TBX3: variants seen among roughly 807,000 people sequenced by gnomAD.
TBX3 encodes T-box transcription factor 3, also known as T-box transcription factor TBX3.
Under a neutral mutation model 47.8 loss-of-function variants are expected in TBX3, and 11 were observed. The ratio of observed to expected loss-of-function variants is 0.23; its 90% CI spans 0.14 to 0.38. The LOEUF (loss-of-function observed/expected upper bound fraction) is 0.38, where lower values mean the gene tolerates loss of function less well. Ranked by LOEUF, TBX3 falls within the 10% of genes least tolerant of loss-of-function variation. TBX3 has a pLI of 1.00. For missense variants in TBX3, 927 were observed against 1,022.8 expected (o/e 0.91, Z 1.28); for synonymous variants, 500 against 449.3 (o/e 1.11, Z -1.43).
intron 6 of TBX3, 49 bp downstream of exon 6, chr12:114,674,116 C>T: frequency 6.4e-7 from 1 of 1,560,276 alleles, no homozygotes; most frequent in South Asian, 1.2e-5. Flanking sequence ...GACAGGGAAA[C>T]TGGACGAAAG....
At position 114,672,436 on chromosome 12, in the gene TBX3, GTT is replaced by G. The variant is rs55865934; in HGVS notation, c.1711-136_1711-135del. The G allele has an allele frequency of 4.6e-3, 1,951 of 420,076 alleles. 21 individuals carry two copies. Among genetic ancestry groups the G allele is most frequent in the Non-Finnish European group, 5.5e-3 (1,479 of 268,688 alleles). 26.0% of individuals were successfully genotyped at this position (420,076 alleles called of 1,614,324 possible). ...TATGTTCTGTTGTTGTTGTTGTTGT[GTT>G]TTTTTTTTTGGGGGGGGAGATAGGT... On this transcript the variant is annotated intron_variant, in intron 6 of 6. Coordinates refer to ENST00000349155, the MANE Select transcript of TBX3 (RefSeq NM_005996.4).
In TBX3 at chr12:114,679,223, G is replaced by C. The variant is rs111800750; in HGVS notation, c.804+282C>G. ...AAAACAGACAGGACAAAGCCCAAGAGGGGGGGAGGAGTGGGTGGCATCAAT... is the reference window on the plus strand; with the variant it reads ...AAAACAGACAGGACAAAGCCCAAGACGGGGGGAGGAGTGGGTGGCATCAAT... On this transcript the variant is annotated intron_variant, in intron 3 of 6. Transcript: ENST00000349155. Among the ~76,000 whole-genome samples, 5,175 of 152,068 alleles carry C rather than the reference G, an allele frequency of 0.034. 198 individuals are homozygous for C. The highest frequency in any genetic ancestry group is 0.1 in the African/African-American group (4,188 of 41,480).
Position 114,671,679 on chromosome 12 carries a change from C to A in TBX3, c.*162G>T. 1.2e-6 allele frequency: 1 copy of A among 830,460 alleles called. No homozygotes were observed. The highest frequency in any genetic ancestry group is 1.9e-6 in the Non-Finnish European group (1 of 515,674). 51.4% of individuals were successfully genotyped at this position (830,460 alleles called of 1,614,324 possible). On this transcript the variant is annotated 3_prime_UTR_variant, in exon 7 of 7. Transcript: ENST00000349155. ...ATAAACCACGCCAAGAAGACAGGGGCTGTCTCTAGCACATTCTCTCGAGGG... is the reference window on the plus strand; with the variant it reads ...ATAAACCACGCCAAGAAGACAGGGGATGTCTCTAGCACATTCTCTCGAGGG...
intron 3 of TBX3, among the ~76,000 whole-genome samples, 195 bp downstream of exon 3, chr12:114,679,310 G>A (rs971484744): frequency 2.0e-5 from 3 of 152,078 alleles, no homozygotes; most frequent in African/African-American, 7.2e-5. Context: ...GCTCAGCATT[G>A]TTCCTACCTA....
chr12:114,679,920 C>T, intron 2 of TBX3: 1 of 1,614,096 alleles, frequency 6.2e-7, no homozygotes, highest in Non-Finnish European at 8.5e-7. Context: ...TACCTGAGTA[C>T]CAAAACTATA....
chr12:114,673,230 C>T (rs969805598), intron 6 of TBX3, among the ~76,000 whole-genome samples: 4 of 152,210 alleles, frequency 2.6e-5, no homozygotes, highest in Non-Finnish European at 5.9e-5. Context: ...CTTTCCTCAG[C>T]TCCCTCCTCC....
intron 1 of TBX3, among the ~76,000 whole-genome samples, chr12:114,681,775 T>C (rs1309054319): frequency 1.3e-5 from 2 of 152,212 alleles, no homozygotes; most frequent in Admixed American, 6.5e-5. Flanking sequence ...CCCCACTTCT[T>C]AGGCCAGTCC....
chr12:114,683,777 AG>A lies in TBX3; in HGVS notation c.-578del. On this transcript the variant is annotated 5_prime_UTR_variant, in exon 1 of 7. Transcript: ENST00000349155. This position sits in a 1 kb window ranked among gnomAD's most constrained non-coding sequence, Gnocchi z 7.7. The stretch of plus-strand genomic sequence containing the variant: ...TAACAGGGAGCGAGAGAGCGGAAAA[AG>A]TCTCTCTCCTTTAAAAAAAAAAAAA... The A allele has an allele frequency of 4.5e-6, 1 of 221,866 alleles. No homozygotes were observed. Among genetic ancestry groups the A allele is most frequent in the Non-Finnish European group, 8.8e-6 (1 of 114,280 alleles). The allele number at this position is 221,866 out of a possible 1,614,324, so 13.7% of individuals were successfully genotyped here. A position where few individuals can be genotyped will look rare whatever the true frequency, so the allele number is the denominator to read the frequency against.
chr12:114,671,922 G>A lies in TBX3; in HGVS notation c.2091C>T (p.Ala697=), dbSNP rs1399007846. The A allele has an allele frequency of 1.3e-6, 2 of 1,587,394 alleles. No individual in the cohort carries two copies. Among genetic ancestry groups the A allele is most frequent in the African/African-American group, 2.7e-5 (2 of 74,400 alleles). ...SPKLCAEKEA[A]TSELQSIQRL... The stretch of plus-strand genomic sequence containing the variant: ...GCTGGATGCTCTGCAGTTCGCTGGT[G>A]GCCGCCTCTTTCTCCGCGCAGAGTT... The change falls in exon 7 of 7, where the codon GCC becomes GCT. Residue 697 remains alanine, a synonymous_variant. Transcript: ENST00000349155.
chr12:114,674,288 G>T lies in TBX3; in HGVS notation c.1587C>A (p.Ala529=). ...AATCCAGGCCCGAGACACCGGTGGA[G>T]GCCCCAGAAACCGTGGCCAGGAGGG... is the stretch of plus-strand genomic sequence containing the variant. The part of the protein sequence containing the change: ...MGPLLATVSG[A]STGVSGLDST... The change falls in exon 6 of 7, where the codon GCC becomes GCA. Residue 529 remains alanine (A), a synonymous_variant. Transcript: ENST00000349155. The T allele has an allele frequency of 6.3e-7, 1 of 1,581,140 alleles. No individual in the cohort carries two copies. The highest frequency in any genetic ancestry group is 8.6e-7 in the Non-Finnish European group (1 of 1,163,942).
intron 1 of TBX3, among the ~76,000 whole-genome samples, chr12:114,682,156 A>G (rs1049374666): frequency 2.0e-5 from 3 of 152,212 alleles, no homozygotes; most frequent in African/African-American, 4.8e-5. Flanking sequence ...CACACATTAA[A>G]AAAAAGGTGT....
Position 114,676,204 on chromosome 12 carries a change from G to T in TBX3, c.1039+109C>A, listed in dbSNP as rs562417324. 3.6e-6 allele frequency: 5 copies of T among 1,406,058 alleles called. No individual in the cohort carries two copies. The East Asian group carries it at 1.2e-4, about 33-fold the overall frequency. The allele number at this position is 1,406,058 out of a possible 1,614,324, so 87.1% of individuals were successfully genotyped here. ...GCTTCTGTTTAAGGATGTTTAGAAG[G>T]CTTCTAGCTTTTAAAGGGCAAGTGC... On this transcript the variant is annotated intron_variant, in intron 5 of 6. Transcript: ENST00000349155.
At chr12:114,676,565 A>C in intron 4 of TBX3, 95 bp from the exon 5 acceptor site, 3 of 1,504,986 alleles carry the variant, frequency 2.0e-6, no homozygotes, top group Non-Finnish European at 2.7e-6. Flanking sequence ...CACATACCTC[A>C]CACCCTGCCT....
At chr12:114,672,329 G>C (rs1381008343) in intron 6 of TBX3, 27 bp from the exon 7 acceptor site, 3 of 1,505,030 alleles carry the variant, frequency 2.0e-6, no homozygotes, top group Non-Finnish European at 8.9e-7. Flanking sequence ...GACACACAGC[G>C]AGTCAGCCGG....
rs974560936 is a variant in TBX3, at chr12:114,671,005, C to A, written c.*836G>T. ...TTGCATATACAGGAAAGAGAAAGAA[C>A]TGTCAAAGAACGACATGAATCCTGC... On this transcript the variant is annotated 3_prime_UTR_variant, in exon 7 of 7. Coordinates refer to ENST00000349155, the MANE Select transcript of TBX3 (RefSeq NM_005996.4). The A allele has an allele frequency of 4.9e-6, 1 of 205,676 alleles. No homozygotes were observed. The highest frequency in any genetic ancestry group is 9.9e-6 in the Non-Finnish European group (1 of 100,692). 12.7% of individuals were successfully genotyped at this position (205,676 alleles called of 1,614,324 possible). A position where few individuals can be genotyped will look rare whatever the true frequency, so the allele number is the denominator to read the frequency against.
chr12:114,679,408 G>A (rs764701625), intron 3 of TBX3, 97 bp downstream of exon 3: 40 of 1,532,626 alleles, frequency 2.6e-5, no homozygotes, highest in South Asian at 1.4e-4. Context: ...CAAGACTCTC[G>A]TCTCCACTCT....
Position 114,672,166 on chromosome 12 carries a change from G to C in TBX3, c.1847C>G (p.Pro616Arg). 2 of 1,570,892 alleles carry C rather than the reference G, an allele frequency of 1.3e-6. No homozygotes were observed. Among genetic ancestry groups the C allele is most frequent in the Non-Finnish European group, 1.7e-6 (2 of 1,158,884 alleles). Residue 616 changes from proline to arginine, a missense_variant, in exon 7 of 7, where the codon CCG (proline) becomes CGG (arginine). By Grantham distance (103) the Pro-to-Arg change is moderately radical (BLOSUM62 -2). This residue lies in a region of TBX3 where 623 missense variants were observed against 569.0 expected (regional missense o/e 1.09). Coordinates refer to ENST00000349155, the MANE Select transcript of TBX3 (RefSeq NM_005996.4). ...GGAGTAGGGGCTGTAGCGCAGCCGC[G>C]GGCGCATGGTGTTCAGATTGAGGAA... ...HPFLNLNTMR[P>R]RLRYSPYSIP...
chr12:114,683,159 G>A lies in TBX3; in HGVS notation c.42C>T (p.Ser14=), dbSNP rs1368607036. 1.2e-6 allele frequency: 2 copies of A among 1,612,398 alleles called. No homozygotes were observed. Among genetic ancestry groups the A allele is most frequent in the Non-Finnish European group, 1.7e-6 (2 of 1,179,636 alleles). ...GAGGTAGGAACGGATGGTAGGCCAT[G>A]CTTGTCCCAGGAATGACCGGATCTC... The part of the protein sequence containing the change: ...SMRDPVIPGT[S]MAYHPFLPHR... The change falls in exon 1 of 7, where the codon AGC becomes AGT. Residue 14 remains serine, a synonymous_variant. Transcript: ENST00000349155. This position sits in a 1 kb window ranked among gnomAD's most constrained non-coding sequence, Gnocchi z 7.7.
At chr12:114,679,861 C>A (rs1202065402) in intron 2 of TBX3, 103 of 1,596,736 alleles carry the variant, frequency 6.5e-5, no homozygotes, top group Middle Eastern at 1.7e-4. Context: ...GCCAAAGGGC[C>A]CCCCCCACCC....
Sources: gnomAD v4.1 joint callset for allele counts (sites outside exome capture counted in the v4.1 genomes callset) on GRCh38, gnomAD v4.1.1 for gene constraint, gnomAD v4.1.1 regional missense constraint, Gnocchi (gnomAD v3.1) non-coding constraint, MANE v1.5 for transcripts, NCBI Gene and HGNC (gene_info 2026-07-23, HGNC 2026-07-21) for gene names.